ADGRL2: variants seen among roughly 807,000 people sequenced by gnomAD.
ADGRL2 encodes the protein adhesion G protein-coupled receptor L2, also known as calcium-independent alpha-latrotoxin receptor 2.
In ADGRL2, 44 loss-of-function variants were observed where a neutral mutation model predicts 157.4. The observed-to-expected ratio is 0.28, with a 90% CI of 0.22 to 0.36. ADGRL2 has a LOEUF of 0.36. ADGRL2 is among the 10% of genes least tolerant of loss of function. The probability of loss-of-function intolerance (pLI) is 1.00; values close to 1 mark genes in which losing one functional copy is unlikely to be tolerated. For missense variants in ADGRL2, 1,510 were observed against 1,768.9 expected (o/e 0.85, Z 2.63); for synonymous variants, 585 against 624.7 (o/e 0.94, Z 0.95).
intron 3 of ADGRL2, among the ~76,000 whole-genome samples, chr1:81,674,409 A>G (rs1222678751): frequency 6.6e-6 from 1 of 152,198 alleles, no homozygotes; most frequent in Admixed American, 6.5e-5. Context: ...TTGCCAGTGC[A>G]TGGTGCTGTG....
chr1:81,588,609 C>A (rs1246014396), intron 3 of ADGRL2, among the ~76,000 whole-genome samples: 1 of 152,064 alleles, frequency 6.6e-6, no homozygotes, highest in Non-Finnish European at 1.5e-5. Context: ...AGGCATAAAC[C>A]ACATTCTCAT....
intron 3 of ADGRL2, among the ~76,000 whole-genome samples, chr1:81,605,114 G>T (rs2081407292): frequency 6.6e-6 from 1 of 152,108 alleles, no homozygotes; most frequent in Non-Finnish European, 1.5e-5. Context: ...ACAGATGAGG[G>T]CAGCATAGGA....
chr1:81,527,523 C>T (rs2079489616), intron 2 of ADGRL2, among the ~76,000 whole-genome samples: 1 of 152,074 alleles, frequency 6.6e-6, no homozygotes, highest in Non-Finnish European at 1.5e-5. Context: ...ACCAGCCTGG[C>T]CAACATGGAG....
intron 1 of ADGRL2, among the ~76,000 whole-genome samples, chr1:81,360,268 G>T (rs1267497583): frequency 6.6e-6 from 1 of 151,764 alleles, no homozygotes; most frequent in African/African-American, 2.4e-5. Context: ...TTTGTCCCTA[G>T]ATCTTTAATT....
chr1:81,471,516 T>C (rs2078171243), intron 2 of ADGRL2, among the ~76,000 whole-genome samples: 1 of 152,322 alleles, frequency 6.6e-6, no homozygotes, highest in Admixed American at 6.5e-5. Flanking sequence ...TTAAATAACG[T>C]ACTCCCTTTG....
intron 2 of ADGRL2, chr1:81,505,841 C>T (rs1037719025): frequency 2.8e-6 from 1 of 354,146 alleles, no homozygotes; most frequent in Non-Finnish European, 5.5e-6. Context: ...CTGATATCCA[C>T]CTCAGCTTTT....
At chr1:81,917,400 C>CT (rs1440426875) in intron 3 of ADGRL2, among the ~76,000 whole-genome samples, 2 of 151,818 alleles carry the variant, frequency 1.3e-5, no homozygotes, top group African/African-American at 4.8e-5. Context: ...TATGTATTTT[C>CT]TTTAAGTATA....
chr1:81,896,552 T>G (rs1279810783), intron 2 of ADGRL2, among the ~76,000 whole-genome samples: 3 of 152,250 alleles, frequency 2.0e-5, no homozygotes, highest in Non-Finnish European at 1.5e-5. Flanking sequence ...TGTCTTAAAT[T>G]TATAAACTCA....
At chr1:81,987,126 A>G in intron 22 of ADGRL2, 97 bp downstream of exon 22, 1 of 1,441,020 alleles carries the variant, frequency 6.9e-7, no homozygotes, top group Non-Finnish European at 9.4e-7. Context: ...TCATATATTT[A>G]TTGTTACATT....
intron 1 of ADGRL2, among the ~76,000 whole-genome samples, chr1:81,335,669 A>G (rs1661585111): frequency 6.6e-6 from 1 of 152,166 alleles, no homozygotes; most frequent in Admixed American, 6.5e-5. Flanking sequence ...TTTCCCTAAT[A>G]TCTAAATCAG....
intron 1 of ADGRL2, among the ~76,000 whole-genome samples, chr1:81,752,047 G>A (rs1203643663): frequency 6.6e-6 from 1 of 152,152 alleles, no homozygotes; most frequent in Non-Finnish European, 1.5e-5. Flanking sequence ...AAATTCATAT[G>A]TTACAGTCTT....
chr1:81,660,421 T>C (rs550985455), intron 3 of ADGRL2, among the ~76,000 whole-genome samples: 31 of 152,276 alleles, frequency 2.0e-4, no homozygotes, highest in Non-Finnish European at 4.0e-4. Context: ...AGTTTTTCTC[T>C]GTATAAAGCT....
chr1:81,778,321 CAA>C (rs35538546), intron 2 of ADGRL2, among the ~76,000 whole-genome samples: 22,384 of 136,188 alleles, frequency 0.16, 1,871 homozygotes, highest in African/African-American at 0.23. Context: ...GACTCCGTCT[CAA>C]AAAAAAAAAA....
intron 1 of ADGRL2, among the ~76,000 whole-genome samples, chr1:81,348,444 A>C (rs1570686969): frequency 6.6e-6 from 1 of 152,146 alleles, no homozygotes; most frequent in African/African-American, 2.4e-5. Flanking sequence ...AAAAGGTACA[A>C]TTTGTATTTT....
chr1:81,410,490 G>A (rs1299574810), intron 1 of ADGRL2, among the ~76,000 whole-genome samples: 1 of 152,158 alleles, frequency 6.6e-6, no homozygotes, highest in African/African-American at 2.4e-5. Flanking sequence ...CAAGCCCCAG[G>A]CATCAAAGGA....
At chr1:81,408,629 C>T (rs947344939) in intron 1 of ADGRL2, among the ~76,000 whole-genome samples, 2 of 152,178 alleles carry the variant, frequency 1.3e-5, no homozygotes, top group African/African-American at 2.4e-5. Flanking sequence ...GCTGAAAGAC[C>T]CTTGTTCACT....
intron 3 of ADGRL2, among the ~76,000 whole-genome samples, chr1:81,913,890 C>T (rs2094792399): frequency 6.6e-6 from 1 of 151,992 alleles, no homozygotes; most frequent in Non-Finnish European, 1.5e-5. Flanking sequence ...CTTTGAAGTT[C>T]AGTTTTGCTA....
intron 2 of ADGRL2, among the ~76,000 whole-genome samples, chr1:81,764,025 A>G (rs565154081): frequency 6.6e-6 from 1 of 151,172 alleles, no homozygotes; most frequent in African/African-American, 2.4e-5. Flanking sequence ...AACAAAACAA[A>G]ACACAAAGAA....
intron 7 of ADGRL2, among the ~76,000 whole-genome samples, chr1:81,950,743 C>T (rs543838519): frequency 2.6e-5 from 4 of 152,192 alleles, no homozygotes; most frequent in Non-Finnish European, 4.4e-5. Context: ...GTCTTCCTTA[C>T]AGCTGCCTTT....
Sources: gnomAD v4.1 joint callset for allele counts (sites outside exome capture counted in the v4.1 genomes callset) on GRCh38, gnomAD v4.1.1 for gene constraint, MANE v1.5 for transcripts, NCBI Gene and HGNC (gene_info 2026-07-23, HGNC 2026-07-21) for gene names.